Variants in IGF1R observed in about 807,000 individuals in gnomAD.
IGF1R encodes insulin like growth factor 1 receptor.
In IGF1R, 44 loss-of-function variants were observed where a neutral mutation model predicts 144.6. The observed-to-expected ratio is 0.30, with a 90% CI of 0.24 to 0.39. The LOEUF is 0.39. IGF1R is among the 10% of genes least tolerant of loss of function. The pLI is 1.00. For missense variants in IGF1R, 1,355 were observed against 1,833.7 expected (o/e 0.74, Z 4.77); for synonymous variants, 795 against 722.8 (o/e 1.10, Z -1.60).
intron 13 of IGF1R, among the ~76,000 whole-genome samples, chr15:98,925,094 G>C (rs1030530781): frequency 1.3e-5 from 2 of 152,032 alleles, no homozygotes; most frequent in Non-Finnish European, 2.9e-5. Flanking sequence ...CGGATTCAGG[G>C]CTTGAAATCC....
rs972088959 is a variant in IGF1R, at chr15:98,959,232, A to G, written c.*1790A>G. 1 of 233,500 alleles carries G rather than the reference A, an allele frequency of 4.3e-6. No homozygotes were observed. Among genetic ancestry groups the G allele is most frequent in the African/African-American group, 2.2e-5 (1 of 45,358 alleles). 14.5% of individuals were successfully genotyped at this position (233,500 alleles called of 1,614,324 possible). A position where few individuals can be genotyped will look rare whatever the true frequency, so the allele number is the denominator to read the frequency against. The stretch of plus-strand genomic sequence containing the variant: ...TTTTTTAATTCTTGGGTACAACAGC[A>G]GTGTTAACCGCAGACACTAGGCATT... On this transcript the variant is annotated 3_prime_UTR_variant, in exon 21 of 21. Coordinates refer to ENST00000650285, the MANE Select transcript of IGF1R (RefSeq NM_000875.5).
intron 2 of IGF1R, among the ~76,000 whole-genome samples, chr15:98,791,175 C>A (rs891489045): frequency 1.1e-4 from 16 of 152,164 alleles, no homozygotes; most frequent in Admixed American, 7.2e-4. Context: ...AAGACATATT[C>A]TTTAAGGGTC....
chr15:98,713,460 C>T (rs987129933), intron 2 of IGF1R, among the ~76,000 whole-genome samples: 1 of 152,208 alleles, frequency 6.6e-6, no homozygotes, highest in Non-Finnish European at 1.5e-5. Flanking sequence ...ATCTGCAACT[C>T]TTAGTTGGCA....
chr15:98,753,971 A>T (rs2055086122), intron 2 of IGF1R, among the ~76,000 whole-genome samples: 2 of 152,168 alleles, frequency 1.3e-5, no homozygotes, highest in Admixed American at 1.3e-4. Context: ...GCTTCTTGAT[A>T]CTGCAGGGCT....
At chr15:98,903,452 C>A (rs1466614493) in intron 5 of IGF1R, among the ~76,000 whole-genome samples, 2 of 152,214 alleles carry the variant, frequency 1.3e-5, no homozygotes. Flanking sequence ...AAAGGTCAGG[C>A]TGAAACATGG....
chr15:98,767,077 A>G (rs929521572), intron 2 of IGF1R, among the ~76,000 whole-genome samples: 1 of 152,152 alleles, frequency 6.6e-6, no homozygotes, highest in Non-Finnish European at 1.5e-5. Flanking sequence ...AAATCCAGAT[A>G]GGATTTCCAC....
At chr15:98,698,509 G>T (rs1216766405) in intron 1 of IGF1R, among the ~76,000 whole-genome samples, 1 of 152,226 alleles carries the variant, frequency 6.6e-6, no homozygotes, top group Non-Finnish European at 1.5e-5. Context: ...CCGTGAGTCT[G>T]ACTACTTTGA....
chr15:98,685,594 G>T (rs748316059), intron 1 of IGF1R, among the ~76,000 whole-genome samples: 7 of 152,186 alleles, frequency 4.6e-5, no homozygotes, highest in Non-Finnish European at 1.0e-4. Flanking sequence ...GACTGGCTCA[G>T]ACCATGTGTA....
At chr15:98,926,623 C>T (rs945644676) in intron 13 of IGF1R, among the ~76,000 whole-genome samples, 6 of 152,248 alleles carry the variant, frequency 3.9e-5, no homozygotes, top group Middle Eastern at 6.8e-3. Flanking sequence ...CCAGTAGTCA[C>T]CTGGTCAGCA....
intron 18 of IGF1R, among the ~76,000 whole-genome samples, chr15:98,941,969 C>T (rs2016381758): frequency 6.6e-6 from 1 of 152,162 alleles, no homozygotes; most frequent in Admixed American, 6.5e-5. Context: ...TGCCATCAAA[C>T]ATAATTATGT....
rs752298130 is a variant in IGF1R, at chr15:98,909,261, CT to C, written c.1462+380del. 2.8e-3 allele frequency among the ~76,000 whole-genome samples: 258 copies of C among 91,712 alleles called. 1 individual carries two copies. The highest frequency in any genetic ancestry group is 0.012 in the African/African-American group (246 of 20,032). The allele number at this position is 91,712 out of a possible 152,430, so 60.2% of individuals were successfully genotyped here. A position where few individuals can be genotyped will look rare whatever the true frequency, so the allele number is the denominator to read the frequency against. On this transcript the variant is annotated intron_variant, in intron 6 of 20. Transcript: ENST00000650285. ...TCTTTTCTTTTTTTTCTTTTTTTTT[CT>C]TTTTTTTTTTTTTTTTTGAGATGGA...
intron 20 of IGF1R, among the ~76,000 whole-genome samples, chr15:98,954,856 C>T (rs9672254): frequency 0.48 from 72,919 of 152,002 alleles, 17,562 homozygotes; most frequent in Admixed American, 0.52. Context: ...AAGCTGCCAG[C>T]TTTTATCAAT....
chr15:98,826,817 G>A (rs935791381), intron 2 of IGF1R, among the ~76,000 whole-genome samples: 1 of 152,216 alleles, frequency 6.6e-6, no homozygotes, highest in African/African-American at 2.4e-5. Flanking sequence ...GCTGTATTTT[G>A]TTGCTGACAA....
Position 98,960,037 on chromosome 15 carries a change from GTTT to G in IGF1R, c.*2601_*2603del, listed in dbSNP as rs927464823. 8 of 232,802 alleles carry G rather than the reference GTTT, an allele frequency of 3.4e-5. No homozygotes were observed. The highest frequency in any genetic ancestry group is 1.1e-4 in the African/African-American group (5 of 45,092). 14.4% of individuals were successfully genotyped at this position (232,802 alleles called of 1,614,324 possible). A position where few individuals can be genotyped will look rare whatever the true frequency, so the allele number is the denominator to read the frequency against. The stretch of plus-strand genomic sequence containing the variant: ...GATGGGACAGTTCTTGATTTTTTGG[GTTT>G]TTTTTCCCCCAAACATTTATCTACC... On this transcript the variant is annotated 3_prime_UTR_variant, in exon 21 of 21. Coordinates refer to ENST00000650285, the MANE Select transcript of IGF1R (RefSeq NM_000875.5).
At chr15:98,762,297 G>A (rs2055324957) in intron 2 of IGF1R, among the ~76,000 whole-genome samples, 1 of 143,944 alleles carries the variant, frequency 6.9e-6, no homozygotes, top group South Asian at 2.2e-4. Context: ...GAGTGCACTG[G>A]CACGCGCATA....
intron 2 of IGF1R, among the ~76,000 whole-genome samples, chr15:98,773,652 C>T (rs1163760401): frequency 6.6e-6 from 1 of 152,138 alleles, no homozygotes; most frequent in African/African-American, 2.4e-5. Context: ...TTCGAGCGTC[C>T]TCCCCTCCCC....
chr15:98,670,576 G>A (rs1207252368), intron 1 of IGF1R, among the ~76,000 whole-genome samples: 1 of 152,194 alleles, frequency 6.6e-6, no homozygotes, highest in African/African-American at 2.4e-5. Flanking sequence ...TGGTGTTTAT[G>A]AAATAACCCT....
At chr15:98,755,291 A>C (rs903133702) in intron 2 of IGF1R, among the ~76,000 whole-genome samples, 1 of 152,194 alleles carries the variant, frequency 6.6e-6, no homozygotes, top group Non-Finnish European at 1.5e-5. Context: ...AGCAGTTCAC[A>C]AAATGGATGA....
intron 5 of IGF1R, among the ~76,000 whole-genome samples, chr15:98,906,766 T>C (rs202123101): frequency 2.0e-5 from 3 of 152,376 alleles, no homozygotes; most frequent in East Asian, 3.9e-4. Flanking sequence ...AACTGTTGAC[T>C]TACAAGTTTT....
Sources: gnomAD v4.1 joint callset for allele counts (sites outside exome capture counted in the v4.1 genomes callset) on GRCh38, gnomAD v4.1.1 for gene constraint, MANE v1.5 for transcripts, NCBI Gene and HGNC (gene_info 2026-07-23, HGNC 2026-07-21) for gene names.